LRFN5: variants seen among roughly 807,000 people sequenced by gnomAD.
LRFN5 encodes leucine rich repeat and fibronectin type III domain containing 5.
A neutral mutation model predicts 45.6 loss-of-function variants in LRFN5; 24 were observed. The observed-to-expected ratio is 0.53, with a 90% CI of 0.38 to 0.74. The LOEUF (loss-of-function observed/expected upper bound fraction) is 0.74, where lower values mean the gene tolerates loss of function less well. Among genes scored for constraint, LRFN5 ranks in the 30% least tolerant of loss-of-function variants. LRFN5 has a pLI of 0.00. For synonymous variants in LRFN5, 340 were observed against 313.8 expected (o/e 1.08, Z -0.88); for missense variants, 776 against 861.5 (o/e 0.90, Z 1.24).
chr14:41,899,685 A>G (rs1170721713), intron 5 of LRFN5, among the ~76,000 whole-genome samples: 1 of 152,284 alleles, frequency 6.6e-6, no homozygotes, highest in Non-Finnish European at 1.5e-5. Flanking sequence ...GTTCTAAAAA[A>G]GGCCATTGAT....
intron 2 of LRFN5, among the ~76,000 whole-genome samples, chr14:41,790,679 C>T (rs1340711874): frequency 6.6e-6 from 1 of 150,768 alleles, no homozygotes; most frequent in Admixed American, 6.6e-5. Flanking sequence ...TAAAAAAGAA[C>T]TTTATTTATC....
chr14:41,897,649 TTATAAC>T (rs1890983741), intron 4 of LRFN5, among the ~76,000 whole-genome samples: 1 of 152,048 alleles, frequency 6.6e-6, no homozygotes, highest in African/African-American at 2.4e-5. Context: ...ACTGTAAAAA[TTATAAC>T]TGTTACTTAT....
intron 2 of LRFN5, among the ~76,000 whole-genome samples, chr14:41,816,632 A>C (rs1887928015): frequency 6.6e-6 from 1 of 152,206 alleles, no homozygotes; most frequent in African/African-American, 2.4e-5. Context: ...TTTTCTGAGA[A>C]GCTAAATGTA....
intron 2 of LRFN5, among the ~76,000 whole-genome samples, chr14:41,793,318 G>T (rs768708853): frequency 5.9e-5 from 9 of 151,988 alleles, no homozygotes; most frequent in Non-Finnish European, 1.2e-4. Context: ...AGGCACACAG[G>T]TTGGAGATGA....
chr14:41,685,563 G>A (rs1168528504), intron 1 of LRFN5, among the ~76,000 whole-genome samples: 1 of 152,070 alleles, frequency 6.6e-6, no homozygotes, highest in Non-Finnish European at 1.5e-5. Flanking sequence ...GAATGGTATT[G>A]CCTAGGTTTT....
chr14:41,705,822 C>T (rs1350834007), intron 1 of LRFN5, among the ~76,000 whole-genome samples: 17 of 149,274 alleles, frequency 1.1e-4, no homozygotes, highest in Non-Finnish European at 1.8e-4. Flanking sequence ...GCAATACAAA[C>T]GTGTTTCATA....
intron 1 of LRFN5, among the ~76,000 whole-genome samples, chr14:41,652,806 A>T (rs1037043280): frequency 6.6e-6 from 1 of 152,088 alleles, no homozygotes; most frequent in Non-Finnish European, 1.5e-5. Context: ...CTTTTTCTCC[A>T]CAACATCACC....
intron 2 of LRFN5, among the ~76,000 whole-genome samples, chr14:41,865,425 T>C (rs1236101149): frequency 6.6e-6 from 1 of 152,228 alleles, no homozygotes; most frequent in East Asian, 1.9e-4. Flanking sequence ...TGCCAAATAA[T>C]ATAGCATTGT....
At chr14:41,633,862 T>A (rs1452882709) in intron 1 of LRFN5, among the ~76,000 whole-genome samples, 1 of 152,088 alleles carries the variant, frequency 6.6e-6, no homozygotes, top group African/African-American at 2.4e-5. Context: ...TGTATGTATG[T>A]ATGTTTTTTC....
At chr14:41,904,068 G>GCCCTCAAA (rs1891176566) in intron 5 of LRFN5, 90 bp from the exon 6 acceptor site, 2 of 1,135,106 alleles carry the variant, frequency 1.8e-6, no homozygotes, top group Admixed American at 4.3e-5. Flanking sequence ...GTTACTTTTA[G>GCCCTCAAA]ATTGCTAGCA....
chr14:41,614,458 G>A (rs757853045), intron 1 of LRFN5, among the ~76,000 whole-genome samples: 2 of 151,990 alleles, frequency 1.3e-5, no homozygotes, highest in African/African-American at 2.4e-5. Context: ...TGGACATTGG[G>A]TCCTGACCTC....
intron 1 of LRFN5, among the ~76,000 whole-genome samples, chr14:41,653,830 G>A (rs780060523): frequency 1.3e-5 from 2 of 152,044 alleles, no homozygotes; most frequent in South Asian, 2.1e-4. Flanking sequence ...AGAAGTCATC[G>A]AATTTGGGAT....
intron 5 of LRFN5, among the ~76,000 whole-genome samples, chr14:41,903,617 T>G (rs1448345747): frequency 6.6e-6 from 1 of 151,708 alleles, no homozygotes; most frequent in Non-Finnish European, 1.5e-5. Context: ...AAACATGGAA[T>G]GCCTGTAAGA....
chr14:41,739,966 A>G (rs1416251890), intron 1 of LRFN5, among the ~76,000 whole-genome samples: 2 of 151,960 alleles, frequency 1.3e-5, no homozygotes, highest in African/African-American at 4.8e-5. Flanking sequence ...AAATTCCTAG[A>G]AACATGTAAT....
chr14:41,766,767 CACCCAG>C (rs1420230875), intron 1 of LRFN5, 81 bp from the exon 2 acceptor site: 1 of 152,402 alleles, frequency 6.6e-6, no homozygotes, highest in East Asian at 1.9e-4. Flanking sequence ...TGAGATTGAT[CACCCAG>C]TTAACAGCCA....
chr14:41,743,195 G>A (rs529756445), intron 1 of LRFN5, among the ~76,000 whole-genome samples: 155 of 152,266 alleles, frequency 1.0e-3, no homozygotes, highest in African/African-American at 3.4e-3. Context: ...TTCATGTTGT[G>A]CATTTTTTTA....
chr14:41,815,262 T>C (rs2139000142), intron 2 of LRFN5, among the ~76,000 whole-genome samples: 1 of 152,318 alleles, frequency 6.6e-6, no homozygotes, highest in South Asian at 2.1e-4. Flanking sequence ...ATATTTTTCA[T>C]GGAGAATTTG....
chr14:41,703,726 C>A (rs1882932377), intron 1 of LRFN5, among the ~76,000 whole-genome samples: 2 of 152,120 alleles, frequency 1.3e-5, no homozygotes, highest in Non-Finnish European at 2.9e-5. Context: ...TTCATGGTAA[C>A]CCTTTGAAAA....
chr14:41,612,886 C>T (rs1887803216), intron 1 of LRFN5, among the ~76,000 whole-genome samples: 1 of 151,976 alleles, frequency 6.6e-6, no homozygotes, highest in African/African-American at 2.4e-5. Context: ...GAATTTAATT[C>T]AAAGATAACC....
Sources: allele counts gnomAD v4.1 joint callset (sites outside exome capture counted in the v4.1 genomes callset), GRCh38; gene constraint gnomAD v4.1.1; transcripts MANE v1.5; gene names NCBI Gene and HGNC (gene_info 2026-07-23, HGNC 2026-07-21).